SPATA16: variants seen among roughly 807,000 people sequenced by gnomAD.
SPATA16 encodes the protein spermatogenesis-associated protein 16.
Under a neutral mutation model 63.3 loss-of-function variants are expected in SPATA16, and 36 were observed. The observed-to-expected ratio is 0.57, with a 90% confidence interval of 0.44 to 0.75. SPATA16 has a LOEUF of 0.75. Ranked by LOEUF, SPATA16 falls within the 30% of genes least tolerant of loss-of-function variation. The pLI, the probability that SPATA16 is intolerant of heterozygous loss-of-function variation, is 0.00. For missense variants in SPATA16, 646 were observed against 679.3 expected (o/e 0.95, Z 0.54); for synonymous variants, 203 against 216.7 (o/e 0.94, Z 0.56).
chr3:172,889,852 G>C (rs936522706), intron 10 of SPATA16, among the ~76,000 whole-genome samples, 160 bp from the exon 11 acceptor site: 1 of 152,170 alleles, frequency 6.6e-6, no homozygotes, highest in Non-Finnish European at 1.5e-5. Context: ...GCCTTCTTCT[G>C]TTTCCATTAC....
intron 6 of SPATA16, among the ~76,000 whole-genome samples, chr3:172,931,650 G>A (rs546681354): frequency 6.6e-6 from 1 of 152,074 alleles, no homozygotes; most frequent in Non-Finnish European, 1.5e-5. Flanking sequence ...ATTTTTAATG[G>A]TCCAAATAAG....
intron 8 of SPATA16, among the ~76,000 whole-genome samples, chr3:172,917,864 C>T (rs1241431918): frequency 2.0e-5 from 3 of 152,212 alleles, no homozygotes; most frequent in African/African-American, 7.2e-5. Context: ...AAAGGCCACA[C>T]TCGTATTCTG....
At chr3:173,084,338 G>A (rs912266942) in intron 2 of SPATA16, among the ~76,000 whole-genome samples, 3 of 151,946 alleles carry the variant, frequency 2.0e-5, no homozygotes, top group Non-Finnish European at 2.9e-5. Flanking sequence ...GTCTGTTTAC[G>A]TTCTTTGCCC....
intron 6 of SPATA16, among the ~76,000 whole-genome samples, chr3:172,940,387 G>T (rs970119361): frequency 1.3e-5 from 2 of 152,166 alleles, no homozygotes. Context: ...ACATCCAGTT[G>T]GTTTTGGAGA....
intron 6 of SPATA16, among the ~76,000 whole-genome samples, chr3:172,937,482 A>G (rs183219100): frequency 1.3e-5 from 2 of 152,364 alleles, no homozygotes; most frequent in Non-Finnish European, 1.5e-5. Context: ...GAAATTAAAA[A>G]TGACTTCCAG....
At chr3:172,927,430 A>G (rs913052991) in intron 6 of SPATA16, among the ~76,000 whole-genome samples, 3 of 152,228 alleles carry the variant, frequency 2.0e-5, no homozygotes, top group African/African-American at 7.2e-5. Context: ...ACAGAGCAAA[A>G]ACATCTTAAT....
intron 1 of SPATA16, among the ~76,000 whole-genome samples, chr3:173,122,971 C>G (rs1368087221): frequency 6.6e-6 from 1 of 152,170 alleles, no homozygotes; most frequent in Non-Finnish European, 1.5e-5. Flanking sequence ...AATGGACATA[C>G]TTCTGTAAGA....
chr3:173,067,722 T>C (rs1346672089), intron 2 of SPATA16, among the ~76,000 whole-genome samples: 1 of 152,066 alleles, frequency 6.6e-6, no homozygotes, highest in African/African-American at 2.4e-5. Context: ...AACAGAACTT[T>C]CCAAACTTAT....
At chr3:173,020,663 A>G (rs763303872) in intron 3 of SPATA16, among the ~76,000 whole-genome samples, 2 of 152,184 alleles carry the variant, frequency 1.3e-5, no homozygotes, top group East Asian at 1.9e-4. Context: ...TTGAGAGCCT[A>G]TTATGGGTAG....
chr3:173,002,856 T>C (rs1577126858), intron 4 of SPATA16, among the ~76,000 whole-genome samples: 1 of 152,330 alleles, frequency 6.6e-6, no homozygotes, highest in East Asian at 1.9e-4. Flanking sequence ...GGTTATCCAC[T>C]GAGGTGAAAA....
chr3:172,986,250 G>A (rs968432462), intron 4 of SPATA16, among the ~76,000 whole-genome samples: 11 of 152,116 alleles, frequency 7.2e-5, no homozygotes, highest in African/African-American at 9.7e-5. Flanking sequence ...TAGTATTACT[G>A]TTGTTGTTTG....
intron 5 of SPATA16, among the ~76,000 whole-genome samples, chr3:172,957,436 C>T (rs982380738): frequency 8.6e-5 from 13 of 152,028 alleles, no homozygotes; most frequent in Non-Finnish European, 1.6e-4. Context: ...GCTCATGTAC[C>T]ATTCTTGATA....
At chr3:173,021,241 T>C (rs936598245) in intron 3 of SPATA16, among the ~76,000 whole-genome samples, 5 of 152,248 alleles carry the variant, frequency 3.3e-5, no homozygotes, top group African/African-American at 1.2e-4. Flanking sequence ...CGGAACTTTC[T>C]AAAATCATGC....
rs1167267930 is a variant in SPATA16 at position 172,977,003 on chromosome 3, C to T, written c.898G>A (p.Glu300Lys). Reference protein sequence around the residue: ...YMFWLGGGREESISKLIKLYW... With the variant: ...YMFWLGGGREKSISKLIKLYW... ...AGTTTGATGAGCTTGCTTATGCTCTCTTCCCTTCCTCCACCAAGCCAGAAC... is the reference window on the plus strand; with the variant it reads ...AGTTTGATGAGCTTGCTTATGCTCTTTTCCCTTCCTCCACCAAGCCAGAAC... The change falls in exon 5 of 11, where the codon GAG (glutamate) becomes AAG (lysine). Residue 300 changes from glutamate (E) to lysine (K), a missense_variant. Coordinates refer to ENST00000351008, the MANE Select transcript of SPATA16 (RefSeq NM_031955.6). The T allele has an allele frequency of 1.9e-6, 3 of 1,611,892 alleles. No individual in the cohort carries two copies. Among genetic ancestry groups the T allele is most frequent in the Non-Finnish European group, 1.7e-6 (2 of 1,179,318 alleles).
chr3:172,967,340 A>G (rs1387692196), intron 5 of SPATA16, among the ~76,000 whole-genome samples: 1 of 152,232 alleles, frequency 6.6e-6, no homozygotes, highest in Non-Finnish European at 1.5e-5. Flanking sequence ...GCCGTCACCT[A>G]CTAATAATAC....
chr3:173,057,486 T>G (rs1204330159), intron 2 of SPATA16, among the ~76,000 whole-genome samples: 2 of 152,204 alleles, frequency 1.3e-5, no homozygotes, highest in Non-Finnish European at 2.9e-5. Flanking sequence ...TCTATTAGGC[T>G]CTCTGATTTT....
chr3:172,985,724 T>C (rs1577119268), intron 4 of SPATA16, among the ~76,000 whole-genome samples: 1 of 152,122 alleles, frequency 6.6e-6, no homozygotes, highest in East Asian at 1.9e-4. Flanking sequence ...TTTATTTGGT[T>C]GGGGAGCAGG....
rs79802947 is a variant in SPATA16 at position 173,045,130 on chromosome 3, T to G, written c.758+3819A>C. On this transcript the variant is annotated intron_variant, in intron 3 of 10. Transcript: ENST00000351008. ...CCTTGGCTAAGAACTTACAGTAAAT[T>G]CCCATGCAGACTTCTGTCTCTCAAC... Among the ~76,000 whole-genome samples, 385 of 152,242 alleles carry G rather than the reference T, an allele frequency of 2.5e-3. 1 individual carries two copies. Among genetic ancestry groups the G allele is most frequent in the African/African-American group, 8.5e-3 (355 of 41,562 alleles).
At chr3:172,940,583 G>C (rs1408393917) in intron 6 of SPATA16, among the ~76,000 whole-genome samples, 2 of 152,154 alleles carry the variant, frequency 1.3e-5, no homozygotes, top group African/African-American at 4.8e-5. Flanking sequence ...CCTTGAAAAA[G>C]ATTTTAAACA....
Sources: allele counts gnomAD v4.1 joint callset (sites outside exome capture counted in the v4.1 genomes callset), GRCh38; gene constraint gnomAD v4.1.1; transcripts MANE v1.5; gene names NCBI Gene and HGNC (gene_info 2026-07-23, HGNC 2026-07-21).